The following NEK11 variants were observed in gnomAD, a reference collection of about 807,000 sequenced individuals.
The protein encoded by NEK11 is NIMA related kinase 11.
A neutral mutation model predicts 80.7 loss-of-function variants in NEK11; 72 were observed. That is an observed-to-expected ratio of 0.89 (90% CI 0.74 to 1.08). The LOEUF (loss-of-function observed/expected upper bound fraction) is 1.08, where lower values mean the gene tolerates loss of function less well. Among genes scored for constraint, NEK11 ranks in the 50% least tolerant of loss-of-function variants. The pLI is 0.00. For synonymous variants in NEK11, 251 were observed against 260.7 expected, an observed-to-expected ratio of 0.96 and a Z score of 0.36; for missense variants, 764 against 763.6, an observed-to-expected ratio of 1.00 and a Z score of -0.01.
At chr3:131,118,076 T>G (rs1242249509) in intron 5 of NEK11, among the ~76,000 whole-genome samples, 1 of 152,138 alleles carries the variant, frequency 6.6e-6, no homozygotes, top group Non-Finnish European at 1.5e-5. Context: ...ATGCTTCCAG[T>G]TTTTGCCCAT....
intron 7 of NEK11, among the ~76,000 whole-genome samples, chr3:131,146,864 A>G (rs1304343094): frequency 1.3e-5 from 2 of 151,798 alleles, no homozygotes; most frequent in African/African-American, 2.4e-5. Flanking sequence ...TCTTTTGCCC[A>G]TTTTTCTATT....
intron 16 of NEK11, among the ~76,000 whole-genome samples, chr3:131,244,968 C>T (rs1331815300): frequency 6.6e-6 from 1 of 151,990 alleles, no homozygotes; most frequent in Non-Finnish European, 1.5e-5. Flanking sequence ...TAAAGGGGTA[C>T]AGTGCAGTTT....
At chr3:131,113,910 CAA>C (rs35868059) in intron 5 of NEK11, among the ~76,000 whole-genome samples, 2,709 of 101,556 alleles carry the variant, frequency 0.027, 80 homozygotes, top group African/African-American at 0.088. Context: ...GACTCCCTCT[CAA>C]AAAAAAAAAA....
intron 17 of NEK11, among the ~76,000 whole-genome samples, chr3:131,317,949 T>C (rs769628670): frequency 9.2e-5 from 14 of 152,126 alleles, no homozygotes; most frequent in Admixed American, 2.0e-4. Flanking sequence ...ATGTCTGACT[T>C]GCTCCACTCT....
chr3:131,029,536 A>G (rs2064471487), intron 2 of NEK11, 77 bp from the exon 3 acceptor site: 1 of 539,140 alleles, frequency 1.9e-6, no homozygotes. Context: ...AGGTGCAGAT[A>G]TCACTGCACT....
chr3:131,289,019 A>G (rs1478672846), intron 17 of NEK11, among the ~76,000 whole-genome samples: 1 of 152,212 alleles, frequency 6.6e-6, no homozygotes, highest in Non-Finnish European at 1.5e-5. Flanking sequence ...CAGGTGTATT[A>G]GTCTGCTCGG....
At chr3:131,305,401 G>C (rs2096712603) in intron 17 of NEK11, among the ~76,000 whole-genome samples, 1 of 152,070 alleles carries the variant, frequency 6.6e-6, no homozygotes, top group African/African-American at 2.4e-5. Flanking sequence ...ACTGCTAGCA[G>C]GCATGGTGAG....
intron 3 of NEK11, among the ~76,000 whole-genome samples, chr3:131,037,256 A>C (rs1005044986): frequency 1.3e-5 from 2 of 150,544 alleles, no homozygotes; most frequent in Non-Finnish European, 3.0e-5. Flanking sequence ...CTACATTTGC[A>C]CTGTAGTAAT....
chr3:131,276,084 AAGG>A (rs1342890877), intron 17 of NEK11, among the ~76,000 whole-genome samples: 1 of 152,162 alleles, frequency 6.6e-6, no homozygotes, highest in African/African-American at 2.4e-5. Context: ...GGTAAAGAAA[AAGG>A]AGGAGAAGCT....
intron 3 of NEK11, among the ~76,000 whole-genome samples, chr3:131,044,529 G>A (rs77324292): frequency 6.6e-6 from 1 of 151,220 alleles, no homozygotes; most frequent in African/African-American, 2.4e-5. Flanking sequence ...ACAAAGAGGG[G>A]CATTACATAA....
intron 16 of NEK11, among the ~76,000 whole-genome samples, chr3:131,268,585 G>C (rs1041260667): frequency 1.3e-5 from 2 of 152,238 alleles, no homozygotes; most frequent in Admixed American, 1.3e-4. Flanking sequence ...GTTTGCCTGA[G>C]TACCACCAGT....
Position 131,141,658 on chromosome 3 carries a change from T to C in NEK11, c.647+7702T>C, listed in dbSNP as rs141460661. Among the ~76,000 whole-genome samples the C allele has an allele frequency of 3.5e-3, 528 of 152,340 alleles. 2 individuals are homozygous for C. Among genetic ancestry groups the C allele is most frequent in the African/African-American group, 0.012 (485 of 41,582 alleles). On this transcript the variant is annotated intron_variant, in intron 7 of 17. Coordinates refer to ENST00000383366, the MANE Select transcript of NEK11 (RefSeq NM_024800.5). ...GGTATTTATTTGTTCATTTAAAATA[T>C]ATACTGGGAATTTAAAAATAGTTAC... is the stretch of plus-strand genomic sequence containing the variant.
At chr3:131,241,067 A>G (rs2095511421) in intron 15 of NEK11, among the ~76,000 whole-genome samples, 1 of 152,202 alleles carries the variant, frequency 6.6e-6, no homozygotes. Flanking sequence ...TGGATCTGTC[A>G]TATCTCTTCT....
chr3:131,212,573 C>G (rs2094671629), intron 14 of NEK11, among the ~76,000 whole-genome samples: 1 of 152,196 alleles, frequency 6.6e-6, no homozygotes, highest in Non-Finnish European at 1.5e-5. Flanking sequence ...GCGCTGGGAG[C>G]TGTAGACTGG....
At chr3:131,224,227 T>C (rs1395009269) in intron 14 of NEK11, among the ~76,000 whole-genome samples, 1 of 150,618 alleles carries the variant, frequency 6.6e-6, no homozygotes, top group East Asian at 1.9e-4. Flanking sequence ...TTTATGTATT[T>C]ACTATACTTT....
chr3:131,166,845 C>G (rs1167882030), intron 12 of NEK11, among the ~76,000 whole-genome samples: 1 of 152,138 alleles, frequency 6.6e-6, no homozygotes, highest in Non-Finnish European at 1.5e-5. Flanking sequence ...CTCAAGCCCC[C>G]TCTGAAAACT....
At chr3:131,332,457 A>C (rs2097107200) in intron 17 of NEK11, among the ~76,000 whole-genome samples, 3 of 152,106 alleles carry the variant, frequency 2.0e-5, no homozygotes, top group Admixed American at 2.0e-4. Flanking sequence ...CACACCAAAA[A>C]CCCATCTGTA....
rs567869982 is a variant in NEK11 at position 131,154,177 on chromosome 3, A to G, written c.877-859A>G. Among the ~76,000 whole-genome samples the G allele has an allele frequency of 7.2e-5, 11 of 152,264 alleles. No homozygotes were observed. In the South Asian group the frequency reaches 1.9e-3, roughly 26 times the overall value. ...GATACTTCCAGCTCTCCTTCTGTGC[A>G]GGCCAAATGGGATCCAGTAGAACCT... On this transcript the variant is annotated intron_variant, in intron 9 of 17. Coordinates refer to ENST00000383366, the MANE Select transcript of NEK11 (RefSeq NM_024800.5).
intron 7 of NEK11, among the ~76,000 whole-genome samples, chr3:131,140,051 C>T (rs1282191868): frequency 6.6e-6 from 1 of 152,202 alleles, no homozygotes; most frequent in Non-Finnish European, 1.5e-5. Context: ...CATATCACTT[C>T]TCACATGTTC....
Sources: gnomAD v4.1 joint callset for allele counts (sites outside exome capture counted in the v4.1 genomes callset) on GRCh38, gnomAD v4.1.1 for gene constraint, MANE v1.5 for transcripts, NCBI Gene and HGNC (gene_info 2026-07-23, HGNC 2026-07-21) for gene names.